Variants in TEKT5 observed in about 807,000 individuals in gnomAD.
TEKT5 encodes tektin-5.
Under a neutral mutation model 48.7 loss-of-function variants are expected in TEKT5, and 52 were observed. That is an observed-to-expected ratio of 1.07 (90% CI 0.86 to 1.35). The LOEUF (loss-of-function observed/expected upper bound fraction) is 1.35, where lower values mean the gene tolerates loss of function less well. Ranked by LOEUF, TEKT5 falls within the 40% of genes most tolerant of loss-of-function variation. The pLI is 0.00. For synonymous variants in TEKT5, 318 were observed against 267.6 expected (o/e 1.19, Z -1.84); for missense variants, 831 against 641.6 (o/e 1.30, Z -3.19).
Position 10,627,673 on chromosome 16 carries a change from G to C in TEKT5, c.1368C>G (p.Ile456Met). ...TKCRLEHELAIKANTLCIDKE... is the reference protein window; with the variant it reads ...TKCRLEHELAMKANTLCIDKE... ...TGTCGATGCAGAGGGTGTTGGCCTTGATGGCGAGCTCGTGCTCCAGCCGGC... is the reference window on the plus strand; with the variant it reads ...TGTCGATGCAGAGGGTGTTGGCCTTCATGGCGAGCTCGTGCTCCAGCCGGC... Residue 456 changes from isoleucine to methionine, a missense_variant, in exon 7 of 7, where the codon ATC becomes ATG. Coordinates refer to ENST00000283025, the MANE Select transcript of TEKT5 (RefSeq NM_144674.2). The C allele has an allele frequency of 6.2e-7, 1 of 1,614,200 alleles. No homozygotes were observed. The highest frequency in any genetic ancestry group is 8.5e-7 in the Non-Finnish European group (1 of 1,180,048).
chr16:10,629,229 T>G (rs1030941244), intron 6 of TEKT5, among the ~76,000 whole-genome samples: 2 of 152,114 alleles, frequency 1.3e-5, no homozygotes, highest in Admixed American at 1.3e-4. Context: ...ATGGTAAATT[T>G]TGTGTTACAT....
chr16:10,653,388 A>G (rs1184349894), intron 5 of TEKT5, among the ~76,000 whole-genome samples: 3 of 152,228 alleles, frequency 2.0e-5, no homozygotes, highest in Non-Finnish European at 1.5e-5. Flanking sequence ...GGGGAGCAGG[A>G]GTCCTAAGCC....
At chr16:10,689,229 AT>A (rs1429746482) in intron 3 of TEKT5, 23 bp downstream of exon 3, 2 of 1,566,662 alleles carry the variant, frequency 1.3e-6, no homozygotes, top group South Asian at 2.3e-5. Flanking sequence ...AGGAGAGGGA[AT>A]TAAAAAAAAA....
chr16:10,642,285 C>A (rs1372761173), intron 5 of TEKT5, among the ~76,000 whole-genome samples: 3 of 152,224 alleles, frequency 2.0e-5, no homozygotes. Context: ...CAACCTAGAG[C>A]CCATAGTCCA....
chr16:10,679,850 T>C (rs1898713525), intron 4 of TEKT5, among the ~76,000 whole-genome samples: 1 of 150,060 alleles, frequency 6.7e-6, no homozygotes, highest in Non-Finnish European at 1.5e-5. Flanking sequence ...TGAGCCGAGA[T>C]CGCACCATTG....
intron 5 of TEKT5, among the ~76,000 whole-genome samples, chr16:10,653,488 C>T (rs1229393836): frequency 6.6e-6 from 1 of 152,252 alleles, no homozygotes; most frequent in African/African-American, 2.4e-5. Context: ...CCACTTCCTG[C>T]TGTGTGACCT....
intron 6 of TEKT5, among the ~76,000 whole-genome samples, chr16:10,629,039 C>T (rs139417116): frequency 6.6e-6 from 1 of 152,148 alleles, no homozygotes; most frequent in Non-Finnish European, 1.5e-5. Flanking sequence ...CAGGAAATGT[C>T]CAGAAGAGGC....
At chr16:10,642,929 T>C (rs543887938) in intron 5 of TEKT5, among the ~76,000 whole-genome samples, 19 of 152,272 alleles carry the variant, frequency 1.2e-4, no homozygotes, top group African/African-American at 4.3e-4. Context: ...TATGCCACTG[T>C]AGGATGACTG....
At chr16:10,685,264 G>A (rs1324577262) in intron 3 of TEKT5, among the ~76,000 whole-genome samples, 2 of 151,878 alleles carry the variant, frequency 1.3e-5, no homozygotes, top group Admixed American at 6.6e-5. Context: ...ATCTCTCTCG[G>A]TCTCTATCCA....
intron 5 of TEKT5, among the ~76,000 whole-genome samples, chr16:10,645,460 C>T (rs540018155): frequency 2.0e-5 from 3 of 152,084 alleles, no homozygotes; most frequent in Admixed American, 6.5e-5. Context: ...TGCAGTGAGC[C>T]GTGATGCACC....
chr16:10,636,601 T>C (rs139904851), intron 5 of TEKT5, among the ~76,000 whole-genome samples: 291 of 151,718 alleles, frequency 1.9e-3, no homozygotes, highest in African/African-American at 6.7e-3. Context: ...GCCTTTCAGA[T>C]TGACAGAGAC....
Position 10,689,144 on chromosome 16 carries a change from A to G in TEKT5, c.719+109T>C, listed in dbSNP as rs1898918587. Reference sequence around the variant, plus strand: ...AACATTTACCAGCATACCACTGACCAAAAGAACCACCCAGAGACAAGTGGG... The same window carrying G: ...AACATTTACCAGCATACCACTGACCGAAAGAACCACCCAGAGACAAGTGGG... On this transcript the variant is annotated intron_variant, in intron 3 of 6. Coordinates refer to ENST00000283025, the MANE Select transcript of TEKT5 (RefSeq NM_144674.2). 4.8e-6 allele frequency: 4 copies of G among 830,508 alleles called. No individual in the cohort carries two copies. In the South Asian group the frequency reaches 7.0e-5, roughly 15 times the overall value. The allele number at this position is 830,508 out of a possible 1,614,324, so 51.4% of individuals were successfully genotyped here. A position where few individuals can be genotyped will look rare whatever the true frequency, so the allele number is the denominator to read the frequency against.
chr16:10,676,624 AGAAGCAGGCTTTGG>A, intron 4 of TEKT5, among the ~76,000 whole-genome samples: 1 of 152,320 alleles, frequency 6.6e-6, no homozygotes, highest in Middle Eastern at 3.4e-3. Flanking sequence ...GGACAAGCCA[AGAAGCAGGCTTTGG>A]GCCTGCTTCT....
Position 10,627,662 on chromosome 16 carries a change from G to C in TEKT5, c.1379C>G (p.Thr460Ser). 1 of 1,614,202 alleles carries C rather than the reference G, an allele frequency of 6.2e-7. No individual in the cohort carries two copies. The highest frequency in any genetic ancestry group is 8.5e-7 in the Non-Finnish European group (1 of 1,180,040). The change falls in exon 7 of 7, where the codon ACC becomes AGC. Residue 460 changes from threonine (T) to serine (S), a missense_variant. By Grantham distance (58) the Thr-to-Ser change is moderately conservative (BLOSUM62 1). Coordinates refer to ENST00000283025, the MANE Select transcript of TEKT5 (RefSeq NM_144674.2). Reference protein sequence around the residue: ...LEHELAIKANTLCIDKEKCMG... With the variant: ...LEHELAIKANSLCIDKEKCMG... The stretch of plus-strand genomic sequence containing the variant: ...GCACTTCTCCTTGTCGATGCAGAGG[G>C]TGTTGGCCTTGATGGCGAGCTCGTG...
chr16:10,640,100 C>CCTTCCTTCCTTCCTT (rs1897972281), intron 5 of TEKT5, among the ~76,000 whole-genome samples: 5 of 142,006 alleles, frequency 3.5e-5, no homozygotes, highest in African/African-American at 1.4e-4. Flanking sequence ...CCTTCCCTCT[C>CCTTCCTTCCTTCCTT]CCCTCCTCCC....
chr16:10,629,096 C>T (rs1326837236), intron 6 of TEKT5, among the ~76,000 whole-genome samples: 1 of 151,950 alleles, frequency 6.6e-6, no homozygotes, highest in Non-Finnish European at 1.5e-5. Flanking sequence ...AGAGGTCAGG[C>T]GGTGGGGAGA....
intron 5 of TEKT5, among the ~76,000 whole-genome samples, chr16:10,652,635 CA>C (rs1898180831): frequency 1.4e-4 from 15 of 104,956 alleles, no homozygotes; most frequent in East Asian, 2.8e-4. Context: ...CACACACACA[CA>C]CACACCCTCC....
chr16:10,693,678 C>T (rs763081461), intron 1 of TEKT5, among the ~76,000 whole-genome samples: 4 of 152,148 alleles, frequency 2.6e-5, no homozygotes, highest in Non-Finnish European at 2.9e-5. Flanking sequence ...ATAAGTATTA[C>T]GGGGAAAAAT....
intron 5 of TEKT5, among the ~76,000 whole-genome samples, chr16:10,667,363 G>A (rs916686058): frequency 2.0e-5 from 3 of 152,150 alleles, no homozygotes; most frequent in East Asian, 1.9e-4. Context: ...GCCTGGAACC[G>A]ACTCCTATAC....
Sources: allele counts gnomAD v4.1 joint callset (sites outside exome capture counted in the v4.1 genomes callset), GRCh38; gene constraint gnomAD v4.1.1; transcripts MANE v1.5; gene names NCBI Gene and HGNC (gene_info 2026-07-23, HGNC 2026-07-21).